Variants in CUBN observed in about 807,000 individuals in gnomAD.
CUBN encodes the protein 460 kDa receptor.
CUBN carries 282 observed loss-of-function variants against 405.3 expected under a neutral mutation model. The ratio of observed to expected loss-of-function variants is 0.70; its 90% confidence interval spans 0.63 to 0.77. The LOEUF is 0.77. CUBN is among the 30% of genes least tolerant of loss of function. CUBN has a pLI of 0.00. For synonymous variants in CUBN, 1,684 were observed against 1,617.0 expected, an observed-to-expected ratio of 1.04 and a Z score of -0.99; for missense variants, 4,514 against 4,475.2, an observed-to-expected ratio of 1.01 and a Z score of -0.25.
chr10:16,870,646 T>C (rs1840322465), intron 58 of CUBN, among the ~76,000 whole-genome samples: 2 of 152,216 alleles, frequency 1.3e-5, no homozygotes, highest in Admixed American at 1.3e-4. Flanking sequence ...TGGAAGCAAA[T>C]GTAAAAACGA....
chr10:17,122,708 T>C (rs1400661678), intron 6 of CUBN, 87 bp downstream of exon 6: 4 of 797,232 alleles, frequency 5.0e-6, no homozygotes, highest in South Asian at 1.5e-5. Context: ...GGAATACAGA[T>C]AGTTAATTTA....
At chr10:16,963,254 G>T (rs1843290593) in intron 31 of CUBN, among the ~76,000 whole-genome samples, 1 of 132,256 alleles carries the variant, frequency 7.6e-6, no homozygotes, top group Non-Finnish European at 1.5e-5. Flanking sequence ...GAGTGCAGTG[G>T]TGCTCACTGC....
At chr10:16,938,455 T>C (rs1475090026) in intron 38 of CUBN, among the ~76,000 whole-genome samples, 1 of 152,144 alleles carries the variant, frequency 6.6e-6, no homozygotes, top group Non-Finnish European at 1.5e-5. Context: ...CCCATACATA[T>C]TGGGCACCCA....
At position 16,832,409 on chromosome 10, in the gene CUBN, C is replaced by T. The variant is rs150217491; in HGVS notation, c.10363-992G>A. ...TGGGCTGTGTTGATCAGGTGAGATTCCTTTTAGGTCGATGTAGTAGCCCAT... is the reference window on the plus strand; with the variant it reads ...TGGGCTGTGTTGATCAGGTGAGATTTCTTTTAGGTCGATGTAGTAGCCCAT... On this transcript the variant is annotated intron_variant, in intron 64 of 66. Coordinates refer to ENST00000377833, the MANE Select transcript of CUBN (RefSeq NM_001081.4). Among the ~76,000 whole-genome samples the T allele has an allele frequency of 1.7e-3, 265 of 152,204 alleles. 2 individuals are homozygous for T. The highest frequency in any genetic ancestry group is 6.0e-3 in the African/African-American group (251 of 41,506).
chr10:16,870,839 T>C (rs17139398), intron 58 of CUBN, among the ~76,000 whole-genome samples: 3,262 of 152,314 alleles, frequency 0.021, 122 homozygotes, highest in African/African-American at 0.075. Context: ...TTCTCTGTCT[T>C]ATACAGTGTT....
intron 16 of CUBN, 31 bp from the exon 17 acceptor site, chr10:17,084,492 G>A: frequency 6.3e-7 from 1 of 1,597,660 alleles, no homozygotes; most frequent in Non-Finnish European, 8.6e-7. Context: ...AACAGGTCAT[G>A]GCAATGGCAT....
rs3914238 is a variant in CUBN, at chr10:16,938,553, C to G, written c.5733+410G>C. Among the ~76,000 whole-genome samples the G allele has an allele frequency of 1.4e-4, 21 of 151,956 alleles. No homozygotes were observed. The South Asian group carries it at 4.4e-3, about 32-fold the overall frequency. Reference sequence around the variant, plus strand: ...TAAGCATCCGATTGTGTTTCTGGAACTGATATGGTAGCCAATGTCTGGATA... The same window carrying G: ...TAAGCATCCGATTGTGTTTCTGGAAGTGATATGGTAGCCAATGTCTGGATA... On this transcript the variant is annotated intron_variant, in intron 38 of 66. Transcript: ENST00000377833.
intron 59 of CUBN, among the ~76,000 whole-genome samples, chr10:16,863,335 C>G (rs372277440): frequency 3.2e-4 from 48 of 152,156 alleles, no homozygotes; most frequent in African/African-American, 1.0e-3. Context: ...TCATCTCATT[C>G]TCAGACTTCA....
chr10:16,935,339 G>A (rs1842470217), intron 39 of CUBN, among the ~76,000 whole-genome samples: 1 of 151,812 alleles, frequency 6.6e-6, no homozygotes. Context: ...CTTTTGTAGA[G>A]ATGGGGTCTC....
At chr10:16,862,347 A>C (rs115271334) in intron 59 of CUBN, among the ~76,000 whole-genome samples, 1,522 of 152,116 alleles carry the variant, frequency 0.01, 21 homozygotes, top group African/African-American at 0.035. Flanking sequence ...TAATCTCTTA[A>C]ATTTTTCTTT....
chr10:16,928,532 C>CCCCCCCCTTTT (rs1403918589), intron 40 of CUBN, among the ~76,000 whole-genome samples: 3 of 107,122 alleles, frequency 2.8e-5, no homozygotes, highest in African/African-American at 7.1e-5. Flanking sequence ...CCACCCCCCC[C>CCCCCCCCTTTT]TTTTTTTTTT....
At chr10:17,006,176 A>G (rs1834019357) in intron 28 of CUBN, among the ~76,000 whole-genome samples, 1 of 152,222 alleles carries the variant, frequency 6.6e-6, no homozygotes, top group South Asian at 2.1e-4. Flanking sequence ...AATACTCTCT[A>G]TATTTAGACA....
intron 56 of CUBN, among the ~76,000 whole-genome samples, chr10:16,887,389 T>C (rs915776300): frequency 3.9e-5 from 6 of 152,244 alleles, no homozygotes; most frequent in Non-Finnish European, 7.3e-5. Flanking sequence ...TCTTTAAAAA[T>C]TGGATGAAAT....
Position 16,957,860 on chromosome 10 carries a change from TG to T in CUBN, c.4696-3313del, listed in dbSNP as rs538943589. ...AGCATTTCTTAATTTTTTAAACTAG[TG>T]GAACAATGGGTTCTATGGTGTTTAT... On this transcript the variant is annotated intron_variant, in intron 31 of 66. Transcript: ENST00000377833. Among the ~76,000 whole-genome samples the T allele has an allele frequency of 3.4e-5, 5 of 148,138 alleles. No individual in the cohort carries two copies. The East Asian group carries it at 1.0e-3, about 29-fold the overall frequency.
chr10:17,108,915 T>C (rs1297648858), intron 10 of CUBN, among the ~76,000 whole-genome samples: 1 of 152,064 alleles, frequency 6.6e-6, no homozygotes, highest in African/African-American at 2.4e-5. Context: ...GATGAACAAG[T>C]AGAAAGATGC....
chr10:16,954,243 G>C (rs1049854139), intron 32 of CUBN, 146 bp downstream of exon 32: 10 of 962,506 alleles, frequency 1.0e-5, no homozygotes, highest in Non-Finnish European at 1.7e-5. Flanking sequence ...ATAATTGTAA[G>C]TCACAGTTCT....
At position 17,068,216 on chromosome 10, in the gene CUBN, G is replaced by A. The variant is rs147722747; in HGVS notation, c.2856C>T (p.Tyr952=). Residue 952 remains tyrosine (Y), a synonymous_variant, in exon 21 of 67, where the codon TAC becomes TAT. Coordinates refer to ENST00000377833, the MANE Select transcript of CUBN (RefSeq NM_001081.4). The part of the protein sequence containing the change: ...TIQSPGHPNV[Y]PHGINCTWHI... ...GCCAAGTACAGTTGATACCGTGGGG[G>A]TAGACATTTGGATGGCCAGGACTTT... 5.6e-5 allele frequency: 90 copies of A among 1,613,608 alleles called. No individual in the cohort carries two copies. The highest frequency in any genetic ancestry group is 7.2e-5 in the Non-Finnish European group (85 of 1,179,722).
chr10:17,082,046 T>A (rs1180343975), intron 17 of CUBN, among the ~76,000 whole-genome samples: 1 of 152,186 alleles, frequency 6.6e-6, no homozygotes, highest in Admixed American at 6.5e-5. Context: ...TGTAGATACC[T>A]CGCTGGCCAA....
chr10:16,952,125 T>C, intron 33 of CUBN, 151 bp downstream of exon 33: 1 of 664,692 alleles, frequency 1.5e-6, no homozygotes, highest in Non-Finnish European at 2.8e-6. Flanking sequence ...GAAATGCTTG[T>C]TCTTAAGCAC....
Sources: allele counts gnomAD v4.1 joint callset (sites outside exome capture counted in the v4.1 genomes callset), GRCh38; gene constraint gnomAD v4.1.1; transcripts MANE v1.5; gene names NCBI Gene and HGNC (gene_info 2026-07-23, HGNC 2026-07-21).